RRAS2: variants seen among roughly 807,000 people sequenced by gnomAD.
RRAS2 encodes ras-related protein R-Ras2.
A neutral mutation model predicts 27.6 loss-of-function variants in RRAS2; 7 were observed. That is an observed-to-expected ratio of 0.25 (90% confidence interval 0.14 to 0.48). The LOEUF (loss-of-function observed/expected upper bound fraction) is 0.48. RRAS2 is among the 20% of genes least tolerant of loss of function. RRAS2 has a pLI of 0.99. For synonymous variants in RRAS2, 86 were observed against 90.9 expected (o/e 0.95, Z 0.31); for missense variants, 178 against 256.2 (o/e 0.69, Z 2.08).
At chr11:14,308,963 C>CT (rs1204097857) in intron 1 of RRAS2, among the ~76,000 whole-genome samples, 1 of 152,170 alleles carries the variant, frequency 6.6e-6, no homozygotes, top group Non-Finnish European at 1.5e-5. Flanking sequence ...CTTGAAAGGG[C>CT]TATTGTGAAG....
At chr11:14,298,777 A>G (rs898617103) in intron 1 of RRAS2, among the ~76,000 whole-genome samples, 16 of 120,994 alleles carry the variant, frequency 1.3e-4, no homozygotes, top group Admixed American at 7.6e-4. Flanking sequence ...ACTGCCTATC[A>G]TAGAATCAAA....
intron 4 of RRAS2, among the ~76,000 whole-genome samples, chr11:14,291,052 G>C (rs537447490): frequency 4.3e-4 from 65 of 152,270 alleles, no homozygotes; most frequent in African/African-American, 1.5e-3. Context: ...ATAGACAGAT[G>C]AACAGTTTAT....
chr11:14,317,361 C>T (rs188839344), intron 1 of RRAS2, among the ~76,000 whole-genome samples: 1 of 152,302 alleles, frequency 6.6e-6, no homozygotes, highest in East Asian at 1.9e-4. Context: ...AGGTGGATCA[C>T]CTGAGGTCAG....
chr11:14,288,628 T>C lies in RRAS2; in HGVS notation c.408+5843A>G, dbSNP rs547177907. Among the ~76,000 whole-genome samples, 19 of 152,342 alleles carry C rather than the reference T, an allele frequency of 1.2e-4. No homozygotes were observed. The South Asian group carries it at 3.9e-3, about 32-fold the overall frequency. ...CTGGATATTCTGATTTGGTAGATTT[T>C]AGCACTTCCCAGACATGTTTTGTTT... is the stretch of plus-strand genomic sequence containing the variant. On this transcript the variant is annotated intron_variant, in intron 4 of 5. Transcript: ENST00000256196.
chr11:14,359,892 G>A (rs1474767763), upstream of RRAS2, among the ~76,000 whole-genome samples: 3 of 152,088 alleles, frequency 2.0e-5, no homozygotes, highest in African/African-American at 7.2e-5. Flanking sequence ...TTTTTAATAA[G>A]AATTAAATGA....
Position 14,358,126 on chromosome 11 carries a change from C to T in RRAS2, c.108+637G>A, listed in dbSNP as rs949971774. ...TTCCTAGGAAATGGTCTCACCCCAT[C>T]AGAGAACATTTTTAACTTCCTAGAA... On this transcript the variant is annotated intron_variant, in intron 1 of 5. Coordinates refer to ENST00000256196, the MANE Select transcript of RRAS2 (RefSeq NM_012250.6). The surrounding 1 kb of genome is among the most constrained non-coding windows in gnomAD (Gnocchi z 5.1). 100 of 715,776 alleles carry T rather than the reference C, an allele frequency of 1.4e-4. No homozygotes were observed. The highest frequency in any genetic ancestry group is 9.4e-4 in the Admixed American group (15 of 15,948). 44.3% of individuals were successfully genotyped at this position (715,776 alleles called of 1,614,324 possible).
chr11:14,359,992 T>A (rs1849166998), upstream of RRAS2, among the ~76,000 whole-genome samples: 2 of 152,198 alleles, frequency 1.3e-5, 1 homozygote, highest in South Asian at 4.1e-4. Context: ...GTAACTCATT[T>A]GGAACCAGTA....
chr11:14,334,332 T>A (rs1554952306), intron 1 of RRAS2, among the ~76,000 whole-genome samples: 1 of 152,200 alleles, frequency 6.6e-6, no homozygotes, highest in East Asian at 1.9e-4. Flanking sequence ...TTAAAATGTT[T>A]ATTGATTTGT....
chr11:14,291,533 T>C (rs1849816719), intron 4 of RRAS2, among the ~76,000 whole-genome samples: 1 of 152,214 alleles, frequency 6.6e-6, no homozygotes, highest in Non-Finnish European at 1.5e-5. Context: ...ATACATAATT[T>C]ATGTCTATTT....
intron 1 of RRAS2, among the ~76,000 whole-genome samples, chr11:14,355,467 T>A (rs1178689638): frequency 6.6e-6 from 1 of 152,220 alleles, no homozygotes; most frequent in Non-Finnish European, 1.5e-5. Context: ...TACACACACA[T>A]ATTCATTAAA....
chr11:14,358,357 G>A lies in RRAS2; in HGVS notation c.108+406C>T, dbSNP rs1279940631. On this transcript the variant is annotated intron_variant, in intron 1 of 5. Coordinates refer to ENST00000256196, the MANE Select transcript of RRAS2 (RefSeq NM_012250.6). This position sits in a 1 kb window ranked among gnomAD's most constrained non-coding sequence, Gnocchi z 5.1. ...GCTATCGCCCCGACGGTGAAGGCGC[G>A]GCCGCAGGCGGCTGGAAAAGCAGCG... is the stretch of plus-strand genomic sequence containing the variant. 5.1e-5 allele frequency: 50 copies of A among 985,376 alleles called. No homozygotes were observed. In the South Asian group the frequency reaches 2.1e-3, roughly 41 times the overall value. 61.0% of individuals were successfully genotyped at this position (985,376 alleles called of 1,614,324 possible). A position where few individuals can be genotyped will look rare whatever the true frequency, so the allele number is the denominator to read the frequency against.
intron 1 of RRAS2, among the ~76,000 whole-genome samples, chr11:14,349,235 T>A (rs1393256958): frequency 1.3e-5 from 2 of 151,848 alleles, no homozygotes; most frequent in Non-Finnish European, 2.9e-5. Flanking sequence ...CACTGCAACC[T>A]CCACCTCCCA....
At position 14,290,404 on chromosome 11, in the gene RRAS2, G is replaced by A. The variant is rs576361425; in HGVS notation, c.408+4067C>T. On this transcript the variant is annotated intron_variant, in intron 4 of 5. Coordinates refer to ENST00000256196, the MANE Select transcript of RRAS2 (RefSeq NM_012250.6). The stretch of plus-strand genomic sequence containing the variant: ...GTGGATGTTGCAGTGAGCGGAGATC[G>A]TGCCATTGCACTCCAGCCTGGGAGA... Among the ~76,000 whole-genome samples, 13 of 152,280 alleles carry A rather than the reference G, an allele frequency of 8.5e-5. No homozygotes were observed. In the East Asian group the frequency reaches 2.3e-3, roughly 27 times the overall value.
In RRAS2 at chr11:14,328,096, G is replaced by A. The variant is rs868995367; in HGVS notation, c.108+30667C>T. Among the ~76,000 whole-genome samples, 4 of 152,214 alleles carry A rather than the reference G, an allele frequency of 2.6e-5. No homozygotes were observed. In the East Asian group the frequency reaches 5.8e-4, roughly 22 times the overall value. The stretch of plus-strand genomic sequence containing the variant: ...AAGAGTGAGAAAAATGGCCAGGCGC[G>A]GTGGCTCATGCCTATAATTCTCGCA... On this transcript the variant is annotated intron_variant, in intron 1 of 5. Transcript: ENST00000256196.
chr11:14,279,716 T>C (rs903381143), intron 5 of RRAS2, among the ~76,000 whole-genome samples: 2 of 152,202 alleles, frequency 1.3e-5, no homozygotes, highest in African/African-American at 4.8e-5. Flanking sequence ...GACTCTAAGG[T>C]ATCCTTAAGA....
At chr11:14,286,293 T>C (rs1460355736) in intron 4 of RRAS2, among the ~76,000 whole-genome samples, 1 of 152,216 alleles carries the variant, frequency 6.6e-6, no homozygotes, top group Non-Finnish European at 1.5e-5. Context: ...GACTTTTACG[T>C]ATCAGGTATC....
intron 1 of RRAS2, among the ~76,000 whole-genome samples, chr11:14,320,286 G>A (rs188534243): frequency 1.1e-3 from 175 of 152,322 alleles, no homozygotes; most frequent in African/African-American, 4.0e-3. Flanking sequence ...CCACAAGAGA[G>A]CAAGATATTT....
intron 1 of RRAS2, among the ~76,000 whole-genome samples, chr11:14,345,820 C>T (rs113615919): frequency 1.2e-3 from 178 of 152,276 alleles, no homozygotes; most frequent in African/African-American, 4.0e-3. Flanking sequence ...AGCTCTCCAA[C>T]GTCAACTTGC....
chr11:14,356,689 C>A, intron 1 of RRAS2: 1 of 429,284 alleles, frequency 2.3e-6, no homozygotes, highest in Non-Finnish European at 4.6e-6. Flanking sequence ...TACATACCTG[C>A]TTCCTTTACT....
Sources: gnomAD v4.1 joint callset for allele counts (sites outside exome capture counted in the v4.1 genomes callset) on GRCh38, gnomAD v4.1.1 for gene constraint, Gnocchi (gnomAD v3.1) non-coding constraint, MANE v1.5 for transcripts, NCBI Gene and HGNC (gene_info 2026-07-23, HGNC 2026-07-21) for gene names.